IL1RAPL2: variants seen among roughly 807,000 people sequenced by gnomAD.
IL1RAPL2 encodes the protein interleukin 1 receptor accessory protein like 2.
In IL1RAPL2, 3 loss-of-function variants were observed where a neutral mutation model predicts 44.1. That is an observed-to-expected ratio of 0.07 (90% CI 0.03 to 0.18). The LOEUF is 0.18. Ranked by LOEUF, IL1RAPL2 falls within the 10% of genes least tolerant of loss-of-function variation. IL1RAPL2 has a pLI of 1.00. For missense variants in IL1RAPL2, 391 were observed against 496.4 expected, an observed-to-expected ratio of 0.79 and a Z score of 2.02; for synonymous variants, 181 against 178.8, an observed-to-expected ratio of 1.01 and a Z score of -0.10.
chrX:105,518,598 T>C (rs748588511), intron 6 of IL1RAPL2, among the ~76,000 whole-genome samples: 2 of 111,690 alleles, frequency 1.8e-5, no homozygotes, highest in Non-Finnish European at 3.8e-5. Context: ...GAAACTCAAT[T>C]ATTACATTTA....
chrX:105,035,721 T>C (rs1238005094), intron 2 of IL1RAPL2, among the ~76,000 whole-genome samples: 2 of 112,445 alleles, frequency 1.8e-5, no homozygotes, highest in East Asian at 5.6e-4. Flanking sequence ...TTAAAAAGGA[T>C]TTACTGGTCA....
intron 2 of IL1RAPL2, among the ~76,000 whole-genome samples, chrX:104,669,313 A>G (rs1930548722): frequency 9.0e-6 from 1 of 110,834 alleles, no homozygotes; most frequent in Non-Finnish European, 1.9e-5. Flanking sequence ...TTCCTTTTTG[A>G]CACTCTCTTC....
intron 4 of IL1RAPL2, among the ~76,000 whole-genome samples, chrX:105,235,845 G>A (rs1736655191): frequency 9.0e-6 from 1 of 111,617 alleles, no homozygotes; most frequent in African/African-American, 3.3e-5. Flanking sequence ...TAATTTAATG[G>A]AGAACAAAAC....
intron 3 of IL1RAPL2, among the ~76,000 whole-genome samples, chrX:105,209,081 G>T (rs782603530): frequency 1.8e-5 from 2 of 111,850 alleles, no homozygotes; most frequent in East Asian, 5.7e-4. Flanking sequence ...CGAGGTGACA[G>T]TCCAAATAAT....
chrX:104,805,666 T>G (rs1932917376), intron 2 of IL1RAPL2, among the ~76,000 whole-genome samples: 2 of 111,717 alleles, frequency 1.8e-5, no homozygotes, highest in African/African-American at 6.5e-5. Context: ...AGCCTGGGAG[T>G]AGTTATCAAA....
At chrX:105,186,382 T>G (rs1556133897) in intron 2 of IL1RAPL2, among the ~76,000 whole-genome samples, 2 of 111,793 alleles carry the variant, frequency 1.8e-5, no homozygotes, top group East Asian at 2.8e-4. Flanking sequence ...AGAGCATGAC[T>G]AGGATTTGGT....
chrX:104,657,224 G>T (rs1373296135), intron 1 of IL1RAPL2, among the ~76,000 whole-genome samples: 1 of 110,849 alleles, frequency 9.0e-6, no homozygotes, highest in Non-Finnish European at 1.9e-5. Flanking sequence ...TCATTATGAT[G>T]TTACAAGGCT....
intron 2 of IL1RAPL2, among the ~76,000 whole-genome samples, chrX:104,919,510 C>A (rs1490594589): frequency 1.0e-5 from 1 of 99,694 alleles, no homozygotes; most frequent in Non-Finnish European, 2.0e-5. Flanking sequence ...CAGGTGTAAG[C>A]CACCACGCCT....
rs573319842 is a variant in IL1RAPL2, at chrX:105,308,090, A to T, written c.697+40549A>T. On this transcript the variant is annotated intron_variant, in intron 5 of 10. Transcript: ENST00000372582. The stretch of plus-strand genomic sequence containing the variant: ...TGAACAGGGTGAAATTTATCTGTTG[A>T]TATATTAAAAACCATGAGTTTATAC... Among the ~76,000 whole-genome samples, 20 of 110,922 alleles carry T rather than the reference A, an allele frequency of 1.8e-4. 1 individual carries two copies. In the South Asian group the frequency reaches 6.9e-3, roughly 39 times the overall value.
chrX:105,187,740 G>A (rs2033601734), intron 2 of IL1RAPL2, among the ~76,000 whole-genome samples: 1 of 111,717 alleles, frequency 9.0e-6, no homozygotes, highest in African/African-American at 3.3e-5. Context: ...TGAGGAATGG[G>A]ATAATATTGG....
At chrX:105,058,870 A>G (rs1319899987) in intron 2 of IL1RAPL2, among the ~76,000 whole-genome samples, 1 of 111,881 alleles carries the variant, frequency 8.9e-6, no homozygotes, top group Non-Finnish European at 1.9e-5. Context: ...AAATATATTA[A>G]TAAGGGTAAT....
intron 2 of IL1RAPL2, among the ~76,000 whole-genome samples, chrX:105,036,516 A>G (rs1316647832): frequency 3.6e-5 from 4 of 111,120 alleles, no homozygotes; most frequent in Non-Finnish European, 7.5e-5. Context: ...AAAAGGCATC[A>G]GTGAGATATC....
intron 2 of IL1RAPL2, among the ~76,000 whole-genome samples, chrX:104,711,844 A>G (rs1001412179): frequency 9.0e-6 from 1 of 111,028 alleles, no homozygotes. Context: ...AATCTCTGGA[A>G]TACAAATTTT....
chrX:105,463,559 C>T (rs759106508), intron 5 of IL1RAPL2, among the ~76,000 whole-genome samples: 1 of 51,317 alleles, frequency 1.9e-5, no homozygotes, highest in East Asian at 6.8e-4. Context: ...CTCTCTGTCT[C>T]TCTCTCTCTC....
chrX:105,639,706 A>C (rs1169436670), intron 6 of IL1RAPL2, among the ~76,000 whole-genome samples: 1 of 111,230 alleles, frequency 9.0e-6, no homozygotes, highest in African/African-American at 3.3e-5. Flanking sequence ...ATCCATTCTC[A>C]ACTTTATTTT....
intron 5 of IL1RAPL2, among the ~76,000 whole-genome samples, chrX:105,389,315 A>G (rs1360817239): frequency 8.9e-6 from 1 of 112,111 alleles, no homozygotes; most frequent in African/African-American, 3.2e-5. Context: ...AAGAAAAGAT[A>G]TTGCCATTCA....
At chrX:105,734,621 T>C (rs1187931956) in intron 7 of IL1RAPL2, among the ~76,000 whole-genome samples, 4 of 85,159 alleles carry the variant, frequency 4.7e-5, no homozygotes, top group Non-Finnish European at 9.1e-5. Context: ...GGTCTTGAAC[T>C]CCTGGCCTCA....
At chrX:104,861,168 G>T (rs1481968495) in intron 2 of IL1RAPL2, among the ~76,000 whole-genome samples, 1 of 111,874 alleles carries the variant, frequency 8.9e-6, no homozygotes, top group Non-Finnish European at 1.9e-5. Flanking sequence ...ACTGGAAAAG[G>T]TTCCAAAAAT....
chrX:105,743,720 T>C (rs183687261), intron 8 of IL1RAPL2, among the ~76,000 whole-genome samples: 1 of 111,807 alleles, frequency 8.9e-6, no homozygotes, highest in Admixed American at 9.6e-5. Context: ...TACTGCTGTA[T>C]CTCTAGTGCA....
Sources: allele counts gnomAD v4.1 joint callset (sites outside exome capture counted in the v4.1 genomes callset), GRCh38; gene constraint gnomAD v4.1.1; transcripts MANE v1.5; gene names NCBI Gene and HGNC (gene_info 2026-07-23, HGNC 2026-07-21).